TMEM135: variants seen among roughly 807,000 people sequenced by gnomAD.
The protein encoded by TMEM135 is transmembrane protein 135.
TMEM135 carries 30 observed loss-of-function variants against 60.3 expected under a neutral mutation model. The observed-to-expected ratio is 0.50, with a 90% CI of 0.37 to 0.68. The LOEUF (loss-of-function observed/expected upper bound fraction) is 0.68, where lower values mean the gene tolerates loss of function less well. Among genes scored for constraint, TMEM135 ranks in the 30% least tolerant of loss-of-function variants. TMEM135 has a pLI of 0.00. For synonymous variants in TMEM135, 190 were observed against 186.7 expected (o/e 1.02, Z -0.14); for missense variants, 468 against 548.8 (o/e 0.85, Z 1.47).
intron 4 of TMEM135, among the ~76,000 whole-genome samples, chr11:87,135,062 AT>A (rs1938051670): frequency 6.6e-6 from 1 of 152,154 alleles, no homozygotes; most frequent in Admixed American, 6.5e-5. Flanking sequence ...TTTCAAAACT[AT>A]TGCATATTTT....
chr11:87,194,256 A>G (rs1939881283), intron 5 of TMEM135, among the ~76,000 whole-genome samples: 1 of 152,222 alleles, frequency 6.6e-6, no homozygotes, highest in Non-Finnish European at 1.5e-5. Context: ...TGTTTCTTGC[A>G]CGTATTCTTA....
chr11:87,228,966 A>C (rs569701851), intron 5 of TMEM135, among the ~76,000 whole-genome samples: 1 of 152,296 alleles, frequency 6.6e-6, no homozygotes, highest in African/African-American at 2.4e-5. Context: ...TAGTGATGAC[A>C]GAATAGTACA....
intron 5 of TMEM135, among the ~76,000 whole-genome samples, chr11:87,212,238 GT>G: frequency 6.6e-6 from 1 of 151,820 alleles, no homozygotes; most frequent in East Asian, 1.9e-4. Flanking sequence ...CCAAGTAGCT[GT>G]TACGCATTTT....
At chr11:87,155,250 C>T (rs1226914548) in intron 4 of TMEM135, among the ~76,000 whole-genome samples, 8 of 152,302 alleles carry the variant, frequency 5.3e-5, no homozygotes, top group South Asian at 2.1e-4. Context: ...CCACCCGCCT[C>T]GGCCTCTCAA....
intron 6 of TMEM135, among the ~76,000 whole-genome samples, chr11:87,285,037 C>T (rs1218718200): frequency 6.6e-6 from 1 of 152,078 alleles, no homozygotes; most frequent in African/African-American, 2.4e-5. Flanking sequence ...TTGGAATATA[C>T]TTATGTGATT....
chr11:87,138,549 A>C (rs1938173491), intron 4 of TMEM135, among the ~76,000 whole-genome samples: 1 of 152,070 alleles, frequency 6.6e-6, no homozygotes, highest in South Asian at 2.1e-4. Flanking sequence ...CCAAACAATG[A>C]CTTACTCATT....
chr11:87,321,520 T>A lies in TMEM135; in HGVS notation c.*187T>A. The A allele has an allele frequency of 1.4e-6, 1 of 717,472 alleles. No individual in the cohort carries two copies. The highest frequency in any genetic ancestry group is 2.5e-6 in the Non-Finnish European group (1 of 403,392). 44.4% of individuals were successfully genotyped at this position (717,472 alleles called of 1,614,324 possible). On this transcript the variant is annotated 3_prime_UTR_variant, in exon 15 of 15. Coordinates refer to ENST00000305494, the MANE Select transcript of TMEM135 (RefSeq NM_022918.4). ...TTTTAGGAAGATGTTGCTTAATAAT[T>A]AAGCTTCCTCCATAGCCAGAATAAG... is the stretch of plus-strand genomic sequence containing the variant.
At chr11:87,168,659 G>T (rs1939137989) in intron 5 of TMEM135, among the ~76,000 whole-genome samples, 1 of 152,092 alleles carries the variant, frequency 6.6e-6, no homozygotes, top group Non-Finnish European at 1.5e-5. Flanking sequence ...ATTGCATTGT[G>T]GTCTCAGAGA....
chr11:87,088,788 T>C (rs2445567), intron 3 of TMEM135, among the ~76,000 whole-genome samples: 83,016 of 152,032 alleles, frequency 0.55, 23,435 homozygotes, highest in East Asian at 0.71. Flanking sequence ...TGGAAGAGGA[T>C]CAAGACAACT....
At chr11:87,180,484 G>C (rs1939488195) in intron 5 of TMEM135, among the ~76,000 whole-genome samples, 2 of 152,060 alleles carry the variant, frequency 1.3e-5, no homozygotes, top group South Asian at 4.1e-4. Flanking sequence ...AGATAGTGTT[G>C]GGGAAATTAT....
At chr11:87,293,195 T>C (rs994195985) in intron 6 of TMEM135, among the ~76,000 whole-genome samples, 1 of 152,144 alleles carries the variant, frequency 6.6e-6, no homozygotes, top group Non-Finnish European at 1.5e-5. Flanking sequence ...GTTTAAACAT[T>C]TTGATGCTAT....
intron 6 of TMEM135, among the ~76,000 whole-genome samples, chr11:87,279,722 C>T (rs534449611): frequency 1.3e-5 from 2 of 152,190 alleles, no homozygotes; most frequent in Non-Finnish European, 2.9e-5. Flanking sequence ...GCTTACTCCA[C>T]CTCATGTAAC....
chr11:87,236,598 A>G (rs1033193512), intron 5 of TMEM135, 40 bp from the exon 6 acceptor site: 1 of 1,582,112 alleles, frequency 6.3e-7, no homozygotes, highest in Non-Finnish European at 8.7e-7. Context: ...TGGTGATGTC[A>G]GTGTTCTTTT....
chr11:87,203,224 A>G (rs916615978), intron 5 of TMEM135, among the ~76,000 whole-genome samples: 3 of 152,054 alleles, frequency 2.0e-5, no homozygotes, highest in African/African-American at 4.8e-5. Flanking sequence ...CTCAAAGTAC[A>G]TAGTTTACAT....
At chr11:87,214,690 C>G (rs1940458204) in intron 5 of TMEM135, among the ~76,000 whole-genome samples, 1 of 152,032 alleles carries the variant, frequency 6.6e-6, no homozygotes, top group Non-Finnish European at 1.5e-5. Flanking sequence ...CTTTTTCCCC[C>G]TATATTACAT....
At chr11:87,097,017 G>T (rs1857345606) in intron 4 of TMEM135, among the ~76,000 whole-genome samples, 1 of 142,866 alleles carries the variant, frequency 7.0e-6, no homozygotes, top group Admixed American at 7.2e-5. Flanking sequence ...TTTTTTTCAA[G>T]ACAGGGTCTG....
At chr11:87,090,191 T>G (rs1184410222) in intron 3 of TMEM135, among the ~76,000 whole-genome samples, 1 of 152,132 alleles carries the variant, frequency 6.6e-6, no homozygotes, top group Non-Finnish European at 1.5e-5. Flanking sequence ...ATATTTTATA[T>G]ATTGGTGATA....
intron 1 of TMEM135, among the ~76,000 whole-genome samples, chr11:87,056,517 A>G (rs1401818152): frequency 3.3e-5 from 5 of 152,244 alleles, no homozygotes; most frequent in Non-Finnish European, 7.3e-5. Context: ...GGATTACCCT[A>G]TCAAAGATTA....
chr11:87,188,944 C>T (rs1939720337), intron 5 of TMEM135, among the ~76,000 whole-genome samples: 1 of 152,124 alleles, frequency 6.6e-6, no homozygotes, highest in Non-Finnish European at 1.5e-5. Flanking sequence ...ACTTATTCTT[C>T]ATAACTATAA....
Sources: gnomAD v4.1 joint callset for allele counts (sites outside exome capture counted in the v4.1 genomes callset) on GRCh38, gnomAD v4.1.1 for gene constraint, MANE v1.5 for transcripts, NCBI Gene and HGNC (gene_info 2026-07-23, HGNC 2026-07-21) for gene names.